The following HTR2B variants were observed in gnomAD, a reference collection of about 807,000 sequenced individuals.
HTR2B encodes the protein 5-hydroxytryptamine receptor 2B, also known as 5-HT 2B receptor.
In HTR2B, 31 loss-of-function variants were observed where a neutral mutation model predicts 39.8. That is an observed-to-expected ratio of 0.78 (90% CI 0.58 to 1.05). HTR2B has a LOEUF of 1.05. Among genes scored for constraint, HTR2B ranks in the 50% least tolerant of loss-of-function variants. HTR2B has a pLI of 0.00. For missense variants in HTR2B, 562 were observed against 578.0 expected, an observed-to-expected ratio of 0.97 and a Z score of 0.28; for synonymous variants, 210 against 207.1, an observed-to-expected ratio of 1.01 and a Z score of -0.12.
intron 3 of HTR2B, among the ~76,000 whole-genome samples, chr2:231,112,353 C>G (rs959251526): frequency 5.9e-5 from 9 of 152,376 alleles, no homozygotes; most frequent in East Asian, 5.8e-4. Flanking sequence ...GCCCCCTCAT[C>G]TAGCCTTTTC....
At chr2:231,122,814 T>A (rs956736518) in intron 2 of HTR2B, among the ~76,000 whole-genome samples, 1 of 152,154 alleles carries the variant, frequency 6.6e-6, no homozygotes, top group South Asian at 2.1e-4. Flanking sequence ...CGATAGATCA[T>A]CTCTTTGGAC....
chr2:231,123,989 G>A lies in HTR2B; in HGVS notation c.-225C>T. The A allele has an allele frequency of 2.0e-6, 1 of 508,856 alleles. No individual in the cohort carries two copies. The highest frequency in any genetic ancestry group is 3.2e-5 in the Admixed American group (1 of 31,528). The allele number at this position is 508,856 out of a possible 1,614,324, so 31.5% of individuals were successfully genotyped here. A position where few individuals can be genotyped will look rare whatever the true frequency, so the allele number is the denominator to read the frequency against. ...ATCCAAGTATTTATTATTTTCTAGA[G>A]GCTTAAATTTAGGAAAGCTCAGTGA... On this transcript the variant is annotated 5_prime_UTR_variant, in exon 2 of 4. Coordinates refer to ENST00000258400, the MANE Select transcript of HTR2B (RefSeq NM_000867.5).
Position 231,109,149 on chromosome 2 carries a change from C to A in HTR2B, c.814G>T (p.Glu272Ter). 6.2e-7 allele frequency: 1 copy of A among 1,614,164 alleles called. No individual in the cohort carries two copies. Among genetic ancestry groups the A allele is most frequent in the Non-Finnish European group, 8.5e-7 (1 of 1,180,004 alleles). Residue 272 changes from glutamate (E) to a stop codon, truncating the protein, a stop_gained, in exon 4 of 4, where the codon GAA (glutamate) becomes TAA (stop). Coordinates refer to ENST00000258400, the MANE Select transcript of HTR2B (RefSeq NM_000867.5). LOFTEE classifies it high-confidence loss of function. Reference sequence around the variant, plus strand: ...TTTTCCGGTGACGAGCAAGGTGTTTCATCCCTTTGGAAAACTGTAGACACA... The same window carrying A: ...TTTTCCGGTGACGAGCAAGGTGTTTAATCCCTTTGGAAAACTGTAGACACA... ...LTVSTVFQRD[E>*]TPCSSPEKVA...
chr2:231,114,713 A>T (rs1695273274), intron 2 of HTR2B, among the ~76,000 whole-genome samples: 2 of 152,328 alleles, frequency 1.3e-5, no homozygotes, highest in South Asian at 4.1e-4. Context: ...CACTTTAGAA[A>T]TATTAACCTT....
rs759508310 is a variant in HTR2B at position 231,109,196 on chromosome 2, G to C, written c.767C>G (p.Pro256Arg). 16 of 1,614,202 alleles carry C rather than the reference G, an allele frequency of 9.9e-6. No individual in the cohort carries two copies. The highest frequency in any genetic ancestry group is 1.3e-5 in the Non-Finnish European group (15 of 1,180,032). ...KKAYLVKNKP[P>R]QRLTWLTVST... is the part of the protein sequence containing the mutation. ...CACAGTCAACCATGTTAGGCGTTGA[G>C]GTGGCTTGTTTTTGACTAAGTAAGC... Residue 256 changes from proline (P) to arginine (R), a missense_variant, in exon 4 of 4, where the codon CCT becomes CGT. Physicochemically the swap from Pro to Arg is moderately radical, Grantham distance 103 (BLOSUM62 -2). Transcript: ENST00000258400.
intron 3 of HTR2B, 92 bp from the exon 4 acceptor site, chr2:231,109,501 G>T: frequency 9.3e-7 from 1 of 1,070,232 alleles, no homozygotes; most frequent in African/African-American, 1.6e-5. Flanking sequence ...ATAACTTTAT[G>T]CTTGTTGGTG....
intron 2 of HTR2B, among the ~76,000 whole-genome samples, chr2:231,119,889 AAACTT>A (rs1695473714): frequency 6.6e-6 from 1 of 151,098 alleles, no homozygotes; most frequent in Non-Finnish European, 1.5e-5. Context: ...AAAAAAAAAA[AAACTT>A]ATAAATAAAC....
chr2:231,114,716 T>C (rs898837462), intron 2 of HTR2B, among the ~76,000 whole-genome samples: 1 of 152,186 alleles, frequency 6.6e-6, no homozygotes, highest in East Asian at 1.9e-4. Context: ...TTTAGAAATA[T>C]TAACCTTAAA....
chr2:231,112,249 C>T (rs958014540), intron 3 of HTR2B, among the ~76,000 whole-genome samples: 1 of 152,074 alleles, frequency 6.6e-6, no homozygotes, highest in Non-Finnish European at 1.5e-5. Flanking sequence ...TATAGTTTTC[C>T]TCCTCTGCAC....
rs1559236184 is a variant in HTR2B, at chr2:231,113,819, T to C, written c.463A>G (p.Ile155Val). The change falls in exon 3 of 4, where the codon ATA becomes GTA. Residue 155 changes from isoleucine to valine, a missense_variant. Coordinates refer to ENST00000258400, the MANE Select transcript of HTR2B (RefSeq NM_000867.5). ...GCCTGGATTGGCTTTTTGATGGCTA[T>C]GTAACGATCCACTGAAATGGCACAG... is the stretch of plus-strand genomic sequence containing the variant. ...HLCAISVDRYIAIKKPIQANQ... is the reference protein window; with the variant it reads ...HLCAISVDRYVAIKKPIQANQ... 6.2e-7 allele frequency: 1 copy of C among 1,614,144 alleles called. No individual in the cohort carries two copies. Among genetic ancestry groups the C allele is most frequent in the Non-Finnish European group, 8.5e-7 (1 of 1,179,982 alleles).
chr2:231,120,801 AACC>A (rs1695514957), intron 2 of HTR2B, among the ~76,000 whole-genome samples: 1 of 152,212 alleles, frequency 6.6e-6, no homozygotes, highest in Non-Finnish European at 1.5e-5. Flanking sequence ...TTTATCATAG[AACC>A]AAGAACGCTT....
At position 231,122,173 on chromosome 2, in the gene HTR2B, G is replaced by A. The variant is rs1574751128; in HGVS notation, c.352+1240C>T. The stretch of plus-strand genomic sequence containing the variant: ...TTAATTATTAGAAAGTCTAATTAAA[G>A]CAGTAGAACTTTACTCATTACTGCT... On this transcript the variant is annotated intron_variant, in intron 2 of 3. Transcript: ENST00000258400. 5.3e-5 allele frequency among the ~76,000 whole-genome samples: 8 copies of A among 152,198 alleles called. 3 individuals are homozygous for A. The highest frequency in any genetic ancestry group is 5.2e-4 in the Admixed American group (8 of 15,298).
At chr2:231,110,152 T>G (rs893805396) in intron 3 of HTR2B, among the ~76,000 whole-genome samples, 6 of 152,106 alleles carry the variant, frequency 3.9e-5, no homozygotes, top group African/African-American at 1.2e-4. Context: ...AAACCCCATC[T>G]CTACTAAAAA....
In HTR2B at chr2:231,108,680, A is replaced by G; in HGVS notation, c.1283T>C (p.Phe428Ser). The G allele has an allele frequency of 6.2e-7, 1 of 1,614,138 alleles. No individual in the cohort carries two copies. Among genetic ancestry groups the G allele is most frequent in the South Asian group, 1.1e-5 (1 of 91,082 alleles). ...RNPMAENSKF[F>S]KKHGIRNGIN... The stretch of plus-strand genomic sequence containing the variant: ...CCCATTTCGAATTCCATGTTTCTTG[A>G]AAAACTTAGAGTTCTCTGCCATTGG... The change falls in exon 4 of 4, where the codon TTC becomes TCC. Residue 428 changes from phenylalanine (F) to serine (S), a missense_variant. Phe to Ser is a radical substitution (Grantham distance 155). Transcript: ENST00000258400.
At chr2:231,110,298 C>T (rs1205034977) in intron 3 of HTR2B, among the ~76,000 whole-genome samples, 3 of 151,982 alleles carry the variant, frequency 2.0e-5, no homozygotes, top group Non-Finnish European at 2.9e-5. Context: ...CCACGCTCAG[C>T]GACAAAGTAA....
At position 231,108,907 on chromosome 2, in the gene HTR2B, G is replaced by A. The variant is rs1695056878; in HGVS notation, c.1056C>T (p.Ser352=). 1 of 1,613,910 alleles carries A rather than the reference G, an allele frequency of 6.2e-7. No individual in the cohort carries two copies. The highest frequency in any genetic ancestry group is 1.7e-5 in the Admixed American group (1 of 59,992). Reference sequence around the variant, plus strand: ...GCATTTGGAGAGTAGTTTGGTTACAGGAATCACATAAAACTAAAGTTATAT... The same window carrying A: ...GCATTTGGAGAGTAGTTTGGTTACAAGAATCACATAAAACTAAAGTTATAT... ...ITNITLVLCD[S]CNQTTLQMLL... The change falls in exon 4 of 4, where the codon TCC becomes TCT. Residue 352 remains serine, a synonymous_variant. Coordinates refer to ENST00000258400, the MANE Select transcript of HTR2B (RefSeq NM_000867.5).
rs1695655737 is a variant in HTR2B, at chr2:231,124,132, T to C, written c.-366-2A>G. The C allele has an allele frequency of 4.0e-6, 1 of 248,586 alleles. No individual in the cohort carries two copies. The highest frequency in any genetic ancestry group is 5.0e-5 in the Admixed American group (1 of 20,006). The allele number at this position is 248,586 out of a possible 1,614,324, so 15.4% of individuals were successfully genotyped here. On this transcript the variant is annotated splice_acceptor_variant, in intron 1 of 3. Transcript: ENST00000258400. LOFTEE classifies it low-confidence loss of function (5UTR_SPLICE). ...AACTTGCATGCCAGAGAGTTCCCCC[T>C]AGATACAAAATACATAGACTGCATT...
Position 231,115,814 on chromosome 2 carries a change from C to T in HTR2B, c.353-1885G>A, listed in dbSNP as rs576007086. Reference sequence around the variant, plus strand: ...TGCTCTTAAGATGGAGAGTGAGGATCGGCATCACCTGGGTACTTAGATATG... The same window carrying T: ...TGCTCTTAAGATGGAGAGTGAGGATTGGCATCACCTGGGTACTTAGATATG... On this transcript the variant is annotated intron_variant, in intron 2 of 3. Coordinates refer to ENST00000258400, the MANE Select transcript of HTR2B (RefSeq NM_000867.5). Among the ~76,000 whole-genome samples the T allele has an allele frequency of 3.3e-5, 5 of 152,238 alleles. No individual in the cohort carries two copies. The South Asian group carries it at 8.3e-4, about 25-fold the overall frequency.
intron 2 of HTR2B, among the ~76,000 whole-genome samples, chr2:231,118,441 ACT>A (rs1695418856): frequency 1.3e-5 from 2 of 151,942 alleles, no homozygotes; most frequent in Admixed American, 1.3e-4. Flanking sequence ...AGAACAGTTA[ACT>A]CTGTTTAACT....
Sources: gnomAD v4.1 joint callset for allele counts (sites outside exome capture counted in the v4.1 genomes callset) on GRCh38, gnomAD v4.1.1 for gene constraint, MANE v1.5 for transcripts, NCBI Gene and HGNC (gene_info 2026-07-23, HGNC 2026-07-21) for gene names.